The following PLA2G4B variants were observed in gnomAD, a reference collection of about 807,000 sequenced individuals.
The protein encoded by PLA2G4B is phospholipase A2 group IVB, also known as cytosolic phospholipase A2 beta.
Under a neutral mutation model 95.8 loss-of-function variants are expected in PLA2G4B, and 122 were observed. The ratio of observed to expected loss-of-function variants is 1.27; its 90% CI spans 1.10 to 1.48. The LOEUF (loss-of-function observed/expected upper bound fraction) is 1.48, where lower values mean the gene tolerates loss of function less well. Ranked by LOEUF, PLA2G4B falls within the 40% of genes most tolerant of loss-of-function variation. The pLI is 0.00. For missense variants in PLA2G4B, 1,158 were observed against 996.2 expected, an observed-to-expected ratio of 1.16 and a Z score of -2.19; for synonymous variants, 518 against 421.5, an observed-to-expected ratio of 1.23 and a Z score of -2.80.
At position 41,845,693 on chromosome 15, in the gene PLA2G4B, C is replaced by T. The variant is rs757398955; in HGVS notation, c.1413C>T (p.Ile471=). Residue 471 remains isoleucine, a synonymous_variant, in exon 15 of 20, where the codon ATC becomes ATT. Transcript: ENST00000458483. The part of the protein sequence containing the change: ...EVGFPKYGAF[I]PSELFGSEFF... Reference sequence around the variant, plus strand: ...GCTTCCCCAAGTACGGGGCCTTCATCCCCTCTGAGCTCTTTGGCTCCGAGT... The same window carrying T: ...GCTTCCCCAAGTACGGGGCCTTCATTCCCTCTGAGCTCTTTGGCTCCGAGT... The T allele has an allele frequency of 6.2e-7, 1 of 1,613,928 alleles. No individual in the cohort carries two copies. The highest frequency in any genetic ancestry group is 8.5e-7 in the Non-Finnish European group (1 of 1,179,926).
In PLA2G4B at chr15:41,847,804, C is replaced by G. The variant is rs753455387; in HGVS notation, c.2290C>G (p.Leu764Val). 1 of 1,613,406 alleles carries G rather than the reference C, an allele frequency of 6.2e-7. No homozygotes were observed. The change falls in exon 20 of 20, where the codon CTG (leucine) becomes GTG (valine). Residue 764 changes from leucine to valine, a missense_variant. Physicochemically the swap from Leu to Val is conservative, Grantham distance 32. Coordinates refer to ENST00000458483, the MANE Select transcript of PLA2G4B (RefSeq NM_001114633.2). ...CAATGTCTGCAACAACCAGGAGCAG[C>G]TGCTGGAGGCTCTGCGCCAGGCAGT... The part of the protein sequence containing the change: ...HYNVCNNQEQ[L>V]LEALRQAVQR...
intron 18 of PLA2G4B, 23 bp downstream of exon 18, chr15:41,846,858 C>T: frequency 1.3e-6 from 2 of 1,591,112 alleles, no homozygotes; most frequent in Non-Finnish European, 1.7e-6. Flanking sequence ...GGGCAGCCCA[C>T]CAGGGAGGCG....
chr15:41,840,491 T>G, intron 2 of PLA2G4B, 33 bp from the exon 3 acceptor site: 1 of 1,612,854 alleles, frequency 6.2e-7, no homozygotes, highest in African/African-American at 1.3e-5. Context: ...GAAGGGCTCT[T>G]GTCCACCGCT....
chr15:41,840,455 G>A (rs2065406102), intron 2 of PLA2G4B, 69 bp from the exon 3 acceptor site: 1 of 1,609,450 alleles, frequency 6.2e-7, no homozygotes, highest in Admixed American at 1.7e-5. Context: ...TCTAGGTGAT[G>A]GAAGGAAGTG....
At position 41,842,596 on chromosome 15, in the gene PLA2G4B, G is replaced by A; in HGVS notation, c.743+5G>A. On this transcript the variant is annotated splice_donor_5th_base_variant and intron_variant, in intron 10 of 19. Coordinates refer to ENST00000458483, the MANE Select transcript of PLA2G4B (RefSeq NM_001114633.2). ...GGAGCTGAAAAAAGAAGCAGGGTGA[G>A]AGGCCTGGCTGGGGACTGGGCAAGG... is the stretch of plus-strand genomic sequence containing the variant. 1.2e-6 allele frequency: 2 copies of A among 1,609,016 alleles called. No homozygotes were observed. The highest frequency in any genetic ancestry group is 1.7e-6 in the Non-Finnish European group (2 of 1,178,740).
At position 41,846,791 on chromosome 15, in the gene PLA2G4B, G is replaced by A. The variant is rs541463269; in HGVS notation, c.1903G>A (p.Asp635Asn). Residue 635 changes from aspartate to asparagine, a missense_variant, in exon 18 of 20, where the codon GAC (aspartate) becomes AAC (asparagine). By Grantham distance (23) the Asp-to-Asn change is conservative. Coordinates refer to ENST00000458483, the MANE Select transcript of PLA2G4B (RefSeq NM_001114633.2). ...LPLLQPTRDV[D>N]LILSLDYNLH... ...CCTCCTGCAGCCCACTCGGGACGTG[G>A]ACCTCATCCTGTCATTGGACTACAA... The A allele has an allele frequency of 6.7e-5, 108 of 1,613,790 alleles. No individual in the cohort carries two copies. The South Asian group carries it at 1.1e-3, about 17-fold the overall frequency.
intron 14 of PLA2G4B, 133 bp downstream of exon 14, chr15:41,845,453 C>A: frequency 6.9e-7 from 1 of 1,451,892 alleles, no homozygotes; most frequent in Non-Finnish European, 9.2e-7. Context: ...GAGACCGGCA[C>A]CCTACCAGGG....
intron 1 of PLA2G4B, chr15:41,839,746 C>G: frequency 1.1e-5 from 2 of 188,564 alleles, no homozygotes; most frequent in Middle Eastern, 1.0e-3. Flanking sequence ...CTAAAGGATA[C>G]TAGCCCGAGA....
rs1351579293 is a variant in PLA2G4B, at chr15:41,846,959, C to CTTAA, written c.1947+127_1947+130dup. ...GGAGCTGTGATTGGGACACTGGAAT[C>CTTAA]TTAATTTGCCACCAGAGGAGCTCAT... On this transcript the variant is annotated intron_variant, in intron 18 of 19. Transcript: ENST00000458483. 2.3e-6 allele frequency: 3 copies of CTTAA among 1,299,026 alleles called. No homozygotes were observed. In the East Asian group the frequency reaches 7.4e-5, roughly 32 times the overall value. 80.5% of individuals were successfully genotyped at this position (1,299,026 alleles called of 1,614,324 possible).
intron 10 of PLA2G4B, chr15:41,842,840 T>C (rs1595421160): frequency 2.0e-6 from 1 of 507,168 alleles, no homozygotes; most frequent in East Asian, 3.7e-5. Context: ...TGATAAATGT[T>C]TGGCTGGAAA....
In PLA2G4B at chr15:41,840,531, C is replaced by A; in HGVS notation, c.90C>A (p.Pro30=). 3 of 1,613,824 alleles carry A rather than the reference C, an allele frequency of 1.9e-6. No homozygotes were observed. The highest frequency in any genetic ancestry group is 1.7e-6 in the Non-Finnish European group (2 of 1,180,024). ...ACTTGTTCCTTCCCGCAGTGACCCC[C>A]TCTGACTGCTACGTGACTCTCTGGC... ...HRLPSKDLVT[P]SDCYVTLWLP... Residue 30 remains proline (P), a synonymous_variant, in exon 3 of 20, where the codon CCC becomes CCA. Transcript: ENST00000458483.
chr15:41,843,608 C>G, intron 10 of PLA2G4B, 68 bp from the exon 11 acceptor site: 1 of 1,575,538 alleles, frequency 6.3e-7, no homozygotes, highest in Admixed American at 1.8e-5. Flanking sequence ...ACAGGTGAGG[C>G]AGACCCAGCT....
rs894988600 is a variant in PLA2G4B at position 41,848,053 on chromosome 15, A to G, written c.*193A>G. 1.4e-6 allele frequency: 1 copy of G among 719,580 alleles called. No individual in the cohort carries two copies. The highest frequency in any genetic ancestry group is 2.9e-5 in the Admixed American group (1 of 34,164). The allele number at this position is 719,580 out of a possible 1,614,324, so 44.6% of individuals were successfully genotyped here. ...GTAAGGAGGCCAAGCCCATTTGTGT[A>G]ATCACCCAAAACCCCCCGGCCTGTG... is the stretch of plus-strand genomic sequence containing the variant. On this transcript the variant is annotated 3_prime_UTR_variant, in exon 20 of 20. Transcript: ENST00000458483.
At chr15:41,845,430 C>G (rs2065520376) in intron 14 of PLA2G4B, 110 bp downstream of exon 14, 7 of 1,475,294 alleles carry the variant, frequency 4.7e-6, no homozygotes, top group Non-Finnish European at 5.5e-6. Flanking sequence ...TGAGCCAGGT[C>G]CCGTGCTTTC....
rs1189858859 is a variant in PLA2G4B, at chr15:41,841,220, G to A, written c.393-11G>A. The A allele has an allele frequency of 6.2e-7, 1 of 1,613,964 alleles. No homozygotes were observed. The highest frequency in any genetic ancestry group is 1.7e-5 in the Admixed American group (1 of 60,026). Reference sequence around the variant, plus strand: ...GACTCCTGCTAAGGGGGCTCTGGGGGCTCTTTCCAGGGCTGACCGTGGCGA... The same window carrying A: ...GACTCCTGCTAAGGGGGCTCTGGGGACTCTTTCCAGGGCTGACCGTGGCGA... On this transcript the variant is annotated splice_polypyrimidine_tract_variant and intron_variant, in intron 5 of 19. Transcript: ENST00000458483.
At chr15:41,844,674 G>T in intron 12 of PLA2G4B, 67 bp downstream of exon 12, 1 of 1,609,320 alleles carries the variant, frequency 6.2e-7, no homozygotes. Context: ...GGTTCTCCTA[G>T]GCCTCTGAGA....
Position 41,846,019 on chromosome 15 carries a change from C to T in PLA2G4B, c.1572C>T (p.Asp524=). 6.5e-7 allele frequency: 1 copy of T among 1,539,996 alleles called. No individual in the cohort carries two copies. The highest frequency in any genetic ancestry group is 8.7e-7 in the Non-Finnish European group (1 of 1,143,532). The change falls in exon 16 of 20, where the codon GAC becomes GAT. Residue 524 remains aspartate, a synonymous_variant. Coordinates refer to ENST00000458483, the MANE Select transcript of PLA2G4B (RefSeq NM_001114633.2). ...YWASEPSQFW[D]RWVRNQANLD... is the part of the protein sequence containing the mutation. ...CCTCAGAGCCCAGCCAGTTCTGGGA[C>T]CGCTGGGTCAGGAACCAGGCCAACC...
In PLA2G4B at chr15:41,847,884, A is replaced by C; in HGVS notation, c.*24A>C. Reference sequence around the variant, plus strand: ...GATGGCCGGGGCCCCTGCCACCCCTAACTCTCATTCATTCCCTGGCTGCTG... The same window carrying C: ...GATGGCCGGGGCCCCTGCCACCCCTCACTCTCATTCATTCCCTGGCTGCTG... On this transcript the variant is annotated 3_prime_UTR_variant, in exon 20 of 20. Transcript: ENST00000458483. 1.9e-6 allele frequency: 3 copies of C among 1,599,608 alleles called. No homozygotes were observed. Among genetic ancestry groups the C allele is most frequent in the Non-Finnish European group, 8.5e-7 (1 of 1,176,758 alleles).
intron 8 of PLA2G4B, 85 bp downstream of exon 8, chr15:41,842,034 C>T: frequency 6.4e-7 from 1 of 1,561,240 alleles, no homozygotes; most frequent in Non-Finnish European, 8.7e-7. Context: ...CTCTGCTCCA[C>T]CTGGCAGAGT....
Sources: gnomAD v4.1 joint callset for allele counts on GRCh38, gnomAD v4.1.1 for gene constraint, MANE v1.5 for transcripts, NCBI Gene and HGNC (gene_info 2026-07-23, HGNC 2026-07-21) for gene names.